ZNF587B: variants seen among roughly 807,000 people sequenced by gnomAD.
ZNF587B encodes the protein zinc finger protein 587B.
A neutral mutation model predicts 7.2 loss-of-function variants in ZNF587B; 6 were observed. The ratio of observed to expected loss-of-function variants is 0.83; its 90% CI spans 0.46 to 1.65. The LOEUF (loss-of-function observed/expected upper bound fraction) is 1.65. Among genes scored for constraint, ZNF587B ranks in the 40% most tolerant of loss-of-function variants. The pLI, the probability that ZNF587B is intolerant of heterozygous loss-of-function variation, is 0.01. For missense variants in ZNF587B, 749 were observed against 761.0 expected (o/e 0.98, Z 0.19); for synonymous variants, 274 against 254.3 (o/e 1.08, Z -0.74).
chr19:57,830,497 C>A lies in ZNF587B; in HGVS notation c.-32C>A, dbSNP rs753208879. 4.5e-6 allele frequency: 7 copies of A among 1,548,500 alleles called. No individual in the cohort carries two copies. In the South Asian group the frequency reaches 4.8e-5, roughly 11 times the overall value. ...CATATCTCCTGGCTGGTCACCCTCTCCTCCCAACCCTGCTTTAAACCACGT... is the reference window on the plus strand; with the variant it reads ...CATATCTCCTGGCTGGTCACCCTCTACTCCCAACCCTGCTTTAAACCACGT... On this transcript the variant is annotated 5_prime_UTR_variant, in exon 1 of 3. Coordinates refer to ENST00000594901, the MANE Select transcript of ZNF587B (RefSeq NM_001376223.1).
Position 57,843,344 on chromosome 19 carries a change from C to T in ZNF587B, c.*768C>T. ...GGAGATCCTTTGAGGGCACCATGTGCCCAAATTGAAAAAACTCCAGGCATG... is the reference window on the plus strand; with the variant it reads ...GGAGATCCTTTGAGGGCACCATGTGTCCAAATTGAAAAAACTCCAGGCATG... On this transcript the variant is annotated 3_prime_UTR_variant, in exon 3 of 3. Coordinates refer to ENST00000594901, the MANE Select transcript of ZNF587B (RefSeq NM_001376223.1). 4.1e-6 allele frequency: 4 copies of T among 985,244 alleles called. No homozygotes were observed. Among genetic ancestry groups the T allele is most frequent in the Non-Finnish European group, 4.8e-6 (4 of 829,884 alleles). The allele number at this position is 985,244 out of a possible 1,614,324, so 61.0% of individuals were successfully genotyped here.
intron 1 of ZNF587B, among the ~76,000 whole-genome samples, chr19:57,832,287 A>G (rs1487532238): frequency 2.0e-5 from 3 of 151,936 alleles, no homozygotes; most frequent in African/African-American, 7.3e-5. Context: ...GGGTTCCGCC[A>G]TGTTGGCCAG....
chr19:57,839,287 G>A, intron 2 of ZNF587B, 138 bp downstream of exon 2: 1 of 1,386,208 alleles, frequency 7.2e-7, no homozygotes, highest in Non-Finnish European at 9.7e-7. Flanking sequence ...CTTGGTTGTA[G>A]GACTGAGGTG....
Position 57,842,237 on chromosome 19 carries a change from A to G in ZNF587B, c.1563A>G (p.Pro521=), listed in dbSNP as rs61730196. 2 of 1,613,488 alleles carry G rather than the reference A, an allele frequency of 1.2e-6. No homozygotes were observed. The highest frequency in any genetic ancestry group is 2.2e-5 in the East Asian group (1 of 44,862). The part of the protein sequence containing the change: ...AHQRVHTGER[P]YECSDCGKSF... Reference sequence around the variant, plus strand: ...AGAGAGTTCACACTGGAGAAAGGCCATATGAATGCAGTGATTGTGGGAAGT... The same window carrying G: ...AGAGAGTTCACACTGGAGAAAGGCCGTATGAATGCAGTGATTGTGGGAAGT... Residue 521 remains proline, a synonymous_variant, in exon 3 of 3, where the codon CCA becomes CCG. Coordinates refer to ENST00000594901, the MANE Select transcript of ZNF587B (RefSeq NM_001376223.1).
chr19:57,834,819 C>T (rs1276842700), intron 1 of ZNF587B, among the ~76,000 whole-genome samples: 1 of 128,308 alleles, frequency 7.8e-6, no homozygotes, highest in African/African-American at 2.8e-5. Context: ...GACTCCAGCC[C>T]TGGTGACAGA....
At position 57,843,431 on chromosome 19, in the gene ZNF587B, C is replaced by G. The variant is rs1988933839; in HGVS notation, c.*855C>G. The G allele has an allele frequency of 1.0e-6, 1 of 985,128 alleles. No individual in the cohort carries two copies. The highest frequency in any genetic ancestry group is 4.7e-5 in the South Asian group (1 of 21,282). 61.0% of individuals were successfully genotyped at this position (985,128 alleles called of 1,614,324 possible). A position where few individuals can be genotyped will look rare whatever the true frequency, so the allele number is the denominator to read the frequency against. On this transcript the variant is annotated 3_prime_UTR_variant, in exon 3 of 3. Coordinates refer to ENST00000594901, the MANE Select transcript of ZNF587B (RefSeq NM_001376223.1). ...TCTTGCTAGACTTATGTGACTGCCACTTATCTGGCAAAAGCCATTACATCT... is the reference window on the plus strand; with the variant it reads ...TCTTGCTAGACTTATGTGACTGCCAGTTATCTGGCAAAAGCCATTACATCT...
At chr19:57,836,366 C>G (rs1242603425) in intron 1 of ZNF587B, among the ~76,000 whole-genome samples, 11 of 152,214 alleles carry the variant, frequency 7.2e-5, no homozygotes, top group African/African-American at 2.7e-4. Flanking sequence ...GGGCCATACA[C>G]TCTGGATGGT....
In ZNF587B at chr19:57,842,195, C is replaced by A. The variant is rs1453754168; in HGVS notation, c.1521C>A (p.Cys507Ter). 6.2e-7 allele frequency: 1 copy of A among 1,612,998 alleles called. No individual in the cohort carries two copies. The highest frequency in any genetic ancestry group is 1.3e-5 in the African/African-American group (1 of 74,886). Residue 507 changes from cysteine (C) to a stop codon, truncating the protein, a stop_gained, in exon 3 of 3, where the codon TGC becomes TGA. Transcript: ENST00000594901. LOFTEE classifies it low-confidence loss of function (END_TRUNC). Reference protein sequence around the residue: ...EACQKFFRHKCHLTAHQRVHT... With the variant: ...EACQKFFRHK ...GTCAGAAATTTTTTAGGCACAAGTG[C>A]CACCTCACTGCACACCAGAGAGTTC... is the stretch of plus-strand genomic sequence containing the variant.
At chr19:57,840,095 AAAAAAAAAAAAAAAAAAG>A (rs1988781958) in intron 2 of ZNF587B, among the ~76,000 whole-genome samples, 3 of 69,410 alleles carry the variant, frequency 4.3e-5, no homozygotes, top group Non-Finnish European at 2.9e-5. Flanking sequence ...AAAAAAAAAA[AAAAAAAAAAAAAAAAAAG>A]CAGCACCCTG....
At chr19:57,837,622 G>A (rs913844642) in intron 1 of ZNF587B, among the ~76,000 whole-genome samples, 136 of 152,020 alleles carry the variant, frequency 8.9e-4, no homozygotes, top group Non-Finnish European at 1.6e-3. Context: ...CTAATTTTTT[G>A]TATTTTTAGT....
At chr19:57,831,461 C>A (rs541057392) in intron 1 of ZNF587B, among the ~76,000 whole-genome samples, 1 of 152,262 alleles carries the variant, frequency 6.6e-6, no homozygotes, top group South Asian at 2.1e-4. Flanking sequence ...GGCGTGATCT[C>A]GGCTCACCGC....
chr19:57,843,057 G>GCGAT lies in ZNF587B; in HGVS notation c.*484_*487dup. 2 of 860,084 alleles carry GCGAT rather than the reference G, an allele frequency of 2.3e-6. No individual in the cohort carries two copies. The highest frequency in any genetic ancestry group is 2.8e-6 in the Non-Finnish European group (2 of 715,696). The allele number at this position is 860,084 out of a possible 1,614,324, so 53.3% of individuals were successfully genotyped here. On this transcript the variant is annotated 3_prime_UTR_variant, in exon 3 of 3. Coordinates refer to ENST00000594901, the MANE Select transcript of ZNF587B (RefSeq NM_001376223.1). ...ATCACCCATGCTGGTGTGCAGTGCT[G>GCGAT]CGATCGTAGCTCACTGCATCCTCCG...
At chr19:57,839,699 G>A (rs1290117481) in intron 2 of ZNF587B, among the ~76,000 whole-genome samples, 1 of 151,854 alleles carries the variant, frequency 6.6e-6, no homozygotes, top group Non-Finnish European at 1.5e-5. Flanking sequence ...CATCATTGTG[G>A]TGGGAGGCAC....
chr19:57,833,790 G>C (rs1988511422), intron 1 of ZNF587B, among the ~76,000 whole-genome samples: 1 of 137,992 alleles, frequency 7.2e-6, no homozygotes, highest in Non-Finnish European at 1.6e-5. Flanking sequence ...CAAGGCAGCA[G>C]GTTCTGTTTT....
chr19:57,842,305 A>G lies in ZNF587B; in HGVS notation c.1631A>G (p.His544Arg), dbSNP rs749230307. Residue 544 changes from histidine to arginine, a missense_variant, in exon 3 of 3, where the codon CAC becomes CGC. Coordinates refer to ENST00000594901, the MANE Select transcript of ZNF587B (RefSeq NM_001376223.1). ...GCATTCATTGTTCATAAGAGAGTTC[A>G]CACTGGTCAGAAGCCTTATGAGTGC... Reference protein sequence around the residue: ...SCAFIVHKRVHTGQKPYECSE... With the variant: ...SCAFIVHKRVRTGQKPYECSE... 2 of 1,611,470 alleles carry G rather than the reference A, an allele frequency of 1.2e-6. No homozygotes were observed.
chr19:57,842,403 C>T lies in ZNF587B; in HGVS notation c.1729C>T (p.Pro577Ser), dbSNP rs747710101. ...CAGGAGAGTTCACACTGGTCAGAAG[C>T]CTTATGAGTGCAGTGAATGTGGGAA... ...SHRRVHTGQK[P>S]YECSECGKSF... Residue 577 changes from proline (P) to serine (S), a missense_variant, in exon 3 of 3, where the codon CCT becomes TCT. By Grantham distance (74) the Pro-to-Ser change is moderately conservative. This residue lies in a region of ZNF587B where 656 missense variants were observed against 596.5 expected (regional missense o/e 1.10). Transcript: ENST00000594901. The T allele has an allele frequency of 6.2e-7, 1 of 1,601,166 alleles. No individual in the cohort carries two copies. Among genetic ancestry groups the T allele is most frequent in the East Asian group, 2.2e-5 (1 of 44,854 alleles).
intron 1 of ZNF587B, among the ~76,000 whole-genome samples, chr19:57,838,665 T>C (rs1326685413): frequency 6.6e-6 from 1 of 152,096 alleles, no homozygotes; most frequent in Non-Finnish European, 1.5e-5. Flanking sequence ...GCCAGTGGTG[T>C]GTGGCAGTCA....
Position 57,843,078 on chromosome 19 carries a change from C to T in ZNF587B, c.*502C>T, listed in dbSNP as rs576389705. ...TGCTGCGATCGTAGCTCACTGCATC[C>T]TCCGCCCCCTAGGCTCAAGTGATCT... On this transcript the variant is annotated 3_prime_UTR_variant, in exon 3 of 3. Transcript: ENST00000594901. 4 of 767,496 alleles carry T rather than the reference C, an allele frequency of 5.2e-6. No homozygotes were observed. Among genetic ancestry groups the T allele is most frequent in the Admixed American group, 6.2e-5 (1 of 16,004 alleles). The allele number at this position is 767,496 out of a possible 1,614,324, so 47.5% of individuals were successfully genotyped here. A position where few individuals can be genotyped will look rare whatever the true frequency, so the allele number is the denominator to read the frequency against.
At position 57,841,194 on chromosome 19, in the gene ZNF587B, G is replaced by C. The variant is rs867933935; in HGVS notation, c.520G>C (p.Glu174Gln). Reference protein sequence around the residue: ...HVSGESSVFSESGKDFLPRSG... With the variant: ...HVSGESSVFSQSGKDFLPRSG... ...GTCAGGGGAGTCATCTGTCTTCAGT[G>C]AGAGTGGGAAGGACTTTTTGCCCAG... is the stretch of plus-strand genomic sequence containing the variant. The change falls in exon 3 of 3, where the codon GAG (glutamate) becomes CAG (glutamine). Residue 174 changes from glutamate to glutamine, a missense_variant. By Grantham distance (29) the Glu-to-Gln change is conservative (BLOSUM62 2). Around this residue, in one of 3 missense-constraint regions of ZNF587B, gnomAD observed 656 missense variants for 596.5 expected, o/e 1.10. Transcript: ENST00000594901. 6.2e-7 allele frequency: 1 copy of C among 1,614,192 alleles called. No individual in the cohort carries two copies.
Sources: allele counts gnomAD v4.1 joint callset (sites outside exome capture counted in the v4.1 genomes callset), GRCh38; gene constraint gnomAD v4.1.1; regional missense constraint gnomAD v4.1.1; transcripts MANE v1.5; gene names NCBI Gene and HGNC (gene_info 2026-07-23, HGNC 2026-07-21).